Variants in ERMP1 observed in about 807,000 individuals in gnomAD.
ERMP1 encodes the protein endoplasmic reticulum metallopeptidase 1, also known as Felix-ina.
ERMP1 carries 86 observed loss-of-function variants against 92.0 expected under a neutral mutation model. The observed-to-expected ratio is 0.93, with a 90% CI of 0.79 to 1.12. The LOEUF is 1.12. Ranked by LOEUF, ERMP1 falls within the 50% of genes most tolerant of loss-of-function variation. The probability of loss-of-function intolerance (pLI) is 0.00; values close to 1 mark genes in which losing one functional copy is unlikely to be tolerated. For missense variants in ERMP1, 1,342 were observed against 1,116.3 expected, an observed-to-expected ratio of 1.20 and a Z score of -2.88; for synonymous variants, 530 against 412.8, an observed-to-expected ratio of 1.28 and a Z score of -3.44.
chr9:5,821,993 C>T (rs1829554593), intron 4 of ERMP1, among the ~76,000 whole-genome samples: 1 of 152,170 alleles, frequency 6.6e-6, no homozygotes, highest in Admixed American at 6.5e-5. Flanking sequence ...GTGGCTCGTG[C>T]CTGTAATCCC....
At chr9:5,853,754 A>T (rs1198175981) in intron 6 of ERMP1, among the ~76,000 whole-genome samples, 1 of 150,820 alleles carries the variant, frequency 6.6e-6, no homozygotes, top group Non-Finnish European at 1.5e-5. Flanking sequence ...TTATGAAAAC[A>T]GATCCCAGGT....
intron 8 of ERMP1, among the ~76,000 whole-genome samples, chr9:5,806,797 G>T (rs1371519303): frequency 1.3e-5 from 2 of 152,058 alleles, no homozygotes; most frequent in Non-Finnish European, 2.9e-5. Context: ...ACACAAACAT[G>T]AAAGTTTTAA....
Position 5,797,944 on chromosome 9 carries a change from G to A in ERMP1, c.2271-12C>T, listed in dbSNP as rs758554556. On this transcript the variant is annotated splice_polypyrimidine_tract_variant and intron_variant, in intron 12 of 14. Coordinates refer to ENST00000339450, the MANE Select transcript of ERMP1 (RefSeq NM_024896.3). The stretch of plus-strand genomic sequence containing the variant: ...GATACCAGTTTTTCCTATTTAGAAA[G>A]GAAGCTTCAGTTTTAGGGTGCTTTA... 2.6e-6 allele frequency: 4 copies of A among 1,549,266 alleles called. No individual in the cohort carries two copies. Among genetic ancestry groups the A allele is most frequent in the East Asian group, 4.5e-5 (2 of 44,546 alleles).
At chr9:5,816,949 A>G (rs1829332800) in intron 4 of ERMP1, among the ~76,000 whole-genome samples, 1 of 142,402 alleles carries the variant, frequency 7.0e-6, no homozygotes, top group Admixed American at 7.4e-5. Context: ...CCCAGGCTGG[A>G]GTACAGCACC....
At chr9:5,855,073 C>T (rs919351565) in intron 6 of ERMP1, among the ~76,000 whole-genome samples, 4 of 152,058 alleles carry the variant, frequency 2.6e-5, no homozygotes, top group African/African-American at 9.7e-5. Flanking sequence ...TCTTCTTGTT[C>T]TCAGTTCTTA....
intron 12 of ERMP1, among the ~76,000 whole-genome samples, chr9:5,798,505 CGT>C (rs1387974161): frequency 1.3e-5 from 2 of 152,126 alleles, no homozygotes; most frequent in Non-Finnish European, 2.9e-5. Flanking sequence ...CATGAGCCAC[CGT>C]GCCCGGCCAC....
chr9:5,805,484 T>C, intron 9 of ERMP1, 127 bp downstream of exon 9: 1 of 757,208 alleles, frequency 1.3e-6, no homozygotes, highest in East Asian at 3.0e-5. Context: ...ATTTGTGTGG[T>C]ATGAAAACTT....
In ERMP1 at chr9:5,787,184, G is replaced by A; in HGVS notation, c.2675C>T (p.Pro892Leu). ...LKEKFPDWTF[P>L]SAWVCTYDLF... ...ATCGTAGGTGCACACCCAGGCAGAG[G>A]GAAATGTCCAATCTGGGAACTTTTC... The change falls in exon 15 of 15, where the codon CCC becomes CTC. Residue 892 changes from proline to leucine, a missense_variant. Transcript: ENST00000339450. The A allele has an allele frequency of 6.2e-7, 1 of 1,614,078 alleles. No individual in the cohort carries two copies.
intron 8 of ERMP1, among the ~76,000 whole-genome samples, chr9:5,808,961 C>A (rs969497032): frequency 6.6e-6 from 1 of 152,116 alleles, no homozygotes. Flanking sequence ...CTAAAGCGAT[C>A]CGCCTGCCCA....
At chr9:5,819,177 G>A (rs1469648087) in intron 4 of ERMP1, among the ~76,000 whole-genome samples, 1 of 152,072 alleles carries the variant, frequency 6.6e-6, no homozygotes, top group African/African-American at 2.4e-5. Context: ...AATATCCATC[G>A]ATGGATGAAT....
At chr9:5,804,987 T>C (rs1389343016) in intron 10 of ERMP1, 40 bp downstream of exon 10, 5 of 1,472,686 alleles carry the variant, frequency 3.4e-6, no homozygotes, top group Non-Finnish European at 4.7e-6. Flanking sequence ...CATATTCATA[T>C]AAAAAATGAA....
In ERMP1 at chr9:5,787,238, T is replaced by C; in HGVS notation, c.2621A>G (p.Lys874Arg). The change falls in exon 15 of 15, where the codon AAG becomes AGG. Residue 874 changes from lysine to arginine, a missense_variant. Lys to Arg is a conservative substitution (Grantham distance 26). Transcript: ENST00000339450. ...CAGAGCATCCAGTTGAGGGGATCTC[T>C]TGTCTTCCCCAGACAGATAGTGGGC... ...IAAHYLSGED[K>R]RSPQLDALKE... The C allele has an allele frequency of 1.9e-6, 3 of 1,612,960 alleles. No individual in the cohort carries two copies. Among genetic ancestry groups the C allele is most frequent in the Non-Finnish European group, 2.5e-6 (3 of 1,178,942 alleles).
chr9:5,861,717 G>GTTTTTTT (rs34804675), intron 5 of ERMP1, among the ~76,000 whole-genome samples: 48 of 66,118 alleles, frequency 7.3e-4, no homozygotes, highest in East Asian at 1.1e-3. Flanking sequence ...GAGAGGAAGG[G>GTTTTTTT]TTTTTTTTTT....
intron 6 of ERMP1, among the ~76,000 whole-genome samples, chr9:5,850,312 G>A (rs1830292496): frequency 7.3e-6 from 1 of 136,564 alleles, no homozygotes; most frequent in East Asian, 2.4e-4. Context: ...GGCTGAGGCA[G>A]GAGAACTGCT....
intron 2 of ERMP1, 115 bp downstream of exon 2, chr9:5,830,612 G>A: frequency 2.8e-6 from 2 of 710,150 alleles, no homozygotes; most frequent in Non-Finnish European, 4.6e-6. Flanking sequence ...CCATCACAAA[G>A]AAAAAAGGTT....
intron 5 of ERMP1, among the ~76,000 whole-genome samples, chr9:5,863,881 T>A (rs1363130730): frequency 6.6e-6 from 1 of 152,216 alleles, no homozygotes; most frequent in Non-Finnish European, 1.5e-5. Flanking sequence ...CAATAAATAT[T>A]TACCTATATC....
In ERMP1 at chr9:5,787,080, C is replaced by A. The variant is rs1415101244; in HGVS notation, c.*64G>T. ...ACTTACGTTACAAACATCCACGTAA[C>A]ATAGGGAGAAACCATGTCACATGGA... On this transcript the variant is annotated 3_prime_UTR_variant, in exon 15 of 15. Coordinates refer to ENST00000339450, the MANE Select transcript of ERMP1 (RefSeq NM_024896.3). 7 of 1,455,392 alleles carry A rather than the reference C, an allele frequency of 4.8e-6. No homozygotes were observed. The South Asian group carries it at 5.3e-5, about 11-fold the overall frequency. The allele number at this position is 1,455,392 out of a possible 1,614,324, so 90.2% of individuals were successfully genotyped here. A position where few individuals can be genotyped will look rare whatever the true frequency, so the allele number is the denominator to read the frequency against.
At chr9:5,852,290 G>A (rs956741792) in intron 6 of ERMP1, among the ~76,000 whole-genome samples, 10 of 150,448 alleles carry the variant, frequency 6.6e-5, no homozygotes, top group South Asian at 2.1e-4. Flanking sequence ...TCCAGACAGC[G>A]TCTCATTCTG....
chr9:5,857,191 T>A (rs1352421859), intron 6 of ERMP1, among the ~76,000 whole-genome samples: 1 of 152,028 alleles, frequency 6.6e-6, no homozygotes, highest in Non-Finnish European at 1.5e-5. Context: ...CTGGCTAATT[T>A]TTGTATTTTT....
Sources: allele counts gnomAD v4.1 joint callset (sites outside exome capture counted in the v4.1 genomes callset), GRCh38; gene constraint gnomAD v4.1.1; transcripts MANE v1.5; gene names NCBI Gene and HGNC (gene_info 2026-07-23, HGNC 2026-07-21).